The following CEP128 variants were observed in gnomAD, a reference collection of about 807,000 sequenced individuals.
CEP128 encodes centrosomal protein 128kDa.
CEP128 carries 132 observed loss-of-function variants against 156.7 expected under a neutral mutation model. That is an observed-to-expected ratio of 0.84 (90% CI 0.73 to 0.97). The LOEUF (loss-of-function observed/expected upper bound fraction) is 0.97. Ranked by LOEUF, CEP128 falls within the 50% of genes least tolerant of loss-of-function variation. The pLI, the probability that CEP128 is intolerant of heterozygous loss-of-function variation, is 0.00. For missense variants in CEP128, 1,252 were observed against 1,281.9 expected, an observed-to-expected ratio of 0.98 and a Z score of 0.36; for synonymous variants, 469 against 448.9, an observed-to-expected ratio of 1.04 and a Z score of -0.57.
intron 19 of CEP128, among the ~76,000 whole-genome samples, chr14:80,682,376 C>G (rs1013893398): frequency 6.6e-6 from 1 of 151,980 alleles, no homozygotes; most frequent in Non-Finnish European, 1.5e-5. Flanking sequence ...TTTAAACTAA[C>G]CCAGTCAGAC....
intron 8 of CEP128, 83 bp downstream of exon 8, chr14:80,895,635 C>T (rs961766495): frequency 2.4e-5 from 22 of 926,454 alleles, no homozygotes; most frequent in Non-Finnish European, 3.3e-5. Flanking sequence ...AGGTTAAACT[C>T]TACTAAACTT....
chr14:80,489,145 A>AG (rs1887241215), downstream of CEP128, among the ~76,000 whole-genome samples: 1 of 151,880 alleles, frequency 6.6e-6, no homozygotes, highest in Non-Finnish European at 1.5e-5. Flanking sequence ...AATAAAAAAA[A>AG]AGAGAGAGAG....
At chr14:80,784,834 T>C in intron 15 of CEP128, 61 bp downstream of exon 15, 1 of 1,368,362 alleles carries the variant, frequency 7.3e-7, no homozygotes, top group Non-Finnish European at 1.0e-6. Context: ...TACGCTTTAT[T>C]AACTTCATGA....
At chr14:80,585,724 G>T (rs1490239046) in intron 19 of CEP128, among the ~76,000 whole-genome samples, 2 of 152,150 alleles carry the variant, frequency 1.3e-5, no homozygotes, top group Admixed American at 1.3e-4. Flanking sequence ...ATAATTCAGT[G>T]CTCCTGTCCA....
At chr14:80,945,541 G>T (rs930059840), upstream of CEP128, 1 of 152,154 alleles carries the variant, frequency 6.6e-6, no homozygotes, top group African/African-American at 2.4e-5. Flanking sequence ...CCTTGTTTAT[G>T]TTATACAAAG....
Position 80,562,827 on chromosome 14 carries a change from A to AT in CEP128, c.2857-3526dup, listed in dbSNP as rs571481240. ...AGGTGTGCACCACCACACCCAGCTA[A>AT]TTTTTTTTTTACTTTTTGTAGAGAT... On this transcript the variant is annotated intron_variant, in intron 20 of 24. Transcript: ENST00000555265. Among the ~76,000 whole-genome samples, 376 of 148,390 alleles carry AT rather than the reference A, an allele frequency of 2.5e-3. 4 individuals carry two copies. The highest frequency in any genetic ancestry group is 7.4e-3 in the African/African-American group (299 of 40,536).
At chr14:80,558,738 A>T (rs12435900) in intron 21 of CEP128, among the ~76,000 whole-genome samples, 1 of 152,138 alleles carries the variant, frequency 6.6e-6, no homozygotes, top group South Asian at 2.1e-4. Flanking sequence ...TAATTTTTCA[A>T]TGAATATTGT....
intron 4 of CEP128, among the ~76,000 whole-genome samples, chr14:80,908,961 C>G (rs7157845): frequency 0.45 from 67,750 of 151,734 alleles, 15,498 homozygotes; most frequent in South Asian, 0.56. Context: ...CCTTTGGGGT[C>G]TCCATTAAAG....
chr14:80,536,135 C>T (rs1397831315), intron 21 of CEP128, among the ~76,000 whole-genome samples: 1 of 151,996 alleles, frequency 6.6e-6, no homozygotes, highest in Non-Finnish European at 1.5e-5. Flanking sequence ...TGCAGGGAAA[C>T]CAAATAATAT....
chr14:80,617,219 C>CTGTTTTTTTTTTTTT (rs1893254371), intron 19 of CEP128, among the ~76,000 whole-genome samples: 1 of 60,216 alleles, frequency 1.7e-5, no homozygotes, highest in African/African-American at 6.5e-5. Flanking sequence ...TGAATATCAT[C>CTGTTTTTTTTTTTTT]TTTTTTTTTT....
chr14:80,652,981 C>T (rs1894974030), intron 19 of CEP128, among the ~76,000 whole-genome samples: 1 of 152,154 alleles, frequency 6.6e-6, no homozygotes, highest in Non-Finnish European at 1.5e-5. Context: ...AAACGTGGCA[C>T]ATATACACCA....
intron 19 of CEP128, among the ~76,000 whole-genome samples, chr14:80,683,501 T>C (rs932316315): frequency 2.0e-5 from 3 of 152,136 alleles, no homozygotes; most frequent in African/African-American, 7.2e-5. Context: ...AAGAAAAGAC[T>C]AAGATAGCCA....
chr14:80,668,846 T>C (rs72690937), intron 19 of CEP128, among the ~76,000 whole-genome samples: 20,127 of 152,002 alleles, frequency 0.13, 1,743 homozygotes, highest in East Asian at 0.42. Context: ...TCCTGTGCTG[T>C]TCTCATGATA....
chr14:80,741,434 T>G (rs1418166113), intron 19 of CEP128, among the ~76,000 whole-genome samples: 2 of 152,168 alleles, frequency 1.3e-5, no homozygotes, highest in African/African-American at 4.8e-5. Context: ...AAGAGGTTCC[T>G]GACATTAACC....
At chr14:80,891,664 A>C (rs1889107175) in intron 8 of CEP128, among the ~76,000 whole-genome samples, 1 of 151,968 alleles carries the variant, frequency 6.6e-6, no homozygotes, top group South Asian at 2.1e-4. Flanking sequence ...ATATGAATTT[A>C]ATTGTACATT....
intron 23 of CEP128, among the ~76,000 whole-genome samples, chr14:80,508,359 T>A (rs1427084762): frequency 6.6e-6 from 1 of 152,216 alleles, no homozygotes; most frequent in African/African-American, 2.4e-5. Flanking sequence ...AAATAAAAAC[T>A]TATTAGCATA....
intron 20 of CEP128, among the ~76,000 whole-genome samples, chr14:80,568,806 A>G (rs971570988): frequency 1.3e-5 from 2 of 149,000 alleles, no homozygotes; most frequent in Admixed American, 6.6e-5. Flanking sequence ...CAACGAGGGG[A>G]AAAAAAAACC....
chr14:80,669,665 C>T lies in CEP128; in HGVS notation c.2806+73410G>A, dbSNP rs150606143. On this transcript the variant is annotated intron_variant, in intron 19 of 24. Coordinates refer to ENST00000555265, the MANE Select transcript of CEP128 (RefSeq NM_152446.5). ...CTATTATTAAAAAGTCAAAAAATAG[C>T]AATGTTGGCAAGGATGTGGAGAAAA... Among the ~76,000 whole-genome samples the T allele has an allele frequency of 2.1e-3, 325 of 152,080 alleles. 2 individuals are homozygous for T. Among genetic ancestry groups the T allele is most frequent in the African/African-American group, 7.2e-3 (299 of 41,474 alleles).
chr14:80,567,124 A>T (rs779732926), intron 20 of CEP128, among the ~76,000 whole-genome samples: 1 of 152,116 alleles, frequency 6.6e-6, no homozygotes, highest in Non-Finnish European at 1.5e-5. Flanking sequence ...GTCATTTACT[A>T]CTATTGCCTT....
Sources: gnomAD v4.1 joint callset for allele counts (sites outside exome capture counted in the v4.1 genomes callset) on GRCh38, gnomAD v4.1.1 for gene constraint, MANE v1.5 for transcripts, NCBI Gene and HGNC (gene_info 2026-07-23, HGNC 2026-07-21) for gene names.